The following PPFIA1 variants were observed in gnomAD, a reference collection of about 807,000 sequenced individuals.
PPFIA1 encodes liprin-alpha-1.
Under a neutral mutation model 149.9 loss-of-function variants are expected in PPFIA1, and 25 were observed. The observed-to-expected ratio is 0.17, with a 90% CI of 0.12 to 0.23. The LOEUF (loss-of-function observed/expected upper bound fraction) is 0.23. PPFIA1 is among the 10% of genes least tolerant of loss of function. The pLI is 1.00. For missense variants in PPFIA1, 1,362 were observed against 1,506.5 expected (o/e 0.90, Z 1.59); for synonymous variants, 549 against 552.8 (o/e 0.99, Z 0.10).
rs1439430514 is a variant in PPFIA1, at chr11:70,383,215, A to C, written c.*225A>C. ...TTTCTTATATTTATGTAAACTTATG[A>C]CTCTTCATTTATATAGTTACTTACT... On this transcript the variant is annotated 3_prime_UTR_variant, in exon 28 of 28. Coordinates refer to ENST00000253925, the MANE Select transcript of PPFIA1 (RefSeq NM_003626.5). 3.2e-6 allele frequency: 1 copy of C among 307,762 alleles called. No individual in the cohort carries two copies. The highest frequency in any genetic ancestry group is 2.3e-5 in the African/African-American group (1 of 42,834). The allele number at this position is 307,762 out of a possible 1,614,324, so 19.1% of individuals were successfully genotyped here.
At chr11:70,382,062 G>A (rs558874023) in intron 26 of PPFIA1, 26 bp from the exon 27 acceptor site, 8 of 1,611,952 alleles carry the variant, frequency 5.0e-6, no homozygotes, top group South Asian at 3.3e-5. Flanking sequence ...GTGTTTGCAC[G>A]CTTCCTCTCG....
At chr11:70,349,966 A>G (rs952489472) in intron 16 of PPFIA1, 1 of 455,210 alleles carries the variant, frequency 2.2e-6, no homozygotes, top group African/African-American at 2.0e-5. Flanking sequence ...GGTCCCCATC[A>G]GTCAGTAGTT....
chr11:70,302,227 G>A (rs543252854), intron 2 of PPFIA1, among the ~76,000 whole-genome samples: 20 of 152,366 alleles, frequency 1.3e-4, no homozygotes, highest in African/African-American at 4.3e-4. Flanking sequence ...GCAGCAGTGG[G>A]AAGAGAGGCT....
In PPFIA1 at chr11:70,376,799, C is replaced by T. The variant is rs186271257; in HGVS notation, c.3384+199C>T. ...TAAAAACTAATACCTGGGCCGGGCA[C>T]GGCGGCTCGCACCTGTAATCCCAGC... On this transcript the variant is annotated intron_variant, in intron 25 of 27. Transcript: ENST00000253925. Among the ~76,000 whole-genome samples, 663 of 152,292 alleles carry T rather than the reference C, an allele frequency of 4.4e-3. 4 individuals are homozygous for T. Among genetic ancestry groups the T allele is most frequent in the Non-Finnish European group, 7.0e-3 (474 of 68,016 alleles).
intron 2 of PPFIA1, among the ~76,000 whole-genome samples, chr11:70,281,459 G>C (rs534887917): frequency 2.5e-4 from 38 of 152,172 alleles, no homozygotes; most frequent in Non-Finnish European, 1.5e-4. Flanking sequence ...TGGAGCCCAA[G>C]TTTTGTCTCC....
At chr11:70,347,898 G>T (rs1348838107) in intron 15 of PPFIA1, among the ~76,000 whole-genome samples, 1 of 152,170 alleles carries the variant, frequency 6.6e-6, no homozygotes, top group East Asian at 1.9e-4. Flanking sequence ...AGCTACTCAG[G>T]AGGCTGAGGC....
intron 25 of PPFIA1, 97 bp from the exon 26 acceptor site, chr11:70,377,933 T>TTC: frequency 3.1e-6 from 3 of 965,482 alleles, no homozygotes; most frequent in Non-Finnish European, 4.7e-6. Flanking sequence ...CAAGAATACA[T>TTC]TCTCGAGATC....
At chr11:70,336,950 A>T in intron 11 of PPFIA1, among the ~76,000 whole-genome samples, 1 of 152,248 alleles carries the variant, frequency 6.6e-6, no homozygotes, top group East Asian at 1.9e-4. Flanking sequence ...ATACAGAGTC[A>T]TTATCCCACT....
At position 70,371,260 on chromosome 11, in the gene PPFIA1, G is replaced by T. The variant is rs1344231383; in HGVS notation, c.2866-955G>T. The T allele has an allele frequency of 2.1e-5, 3 of 142,414 alleles. No homozygotes were observed. In the Admixed American group the frequency reaches 2.1e-4, roughly 10 times the overall value. The allele number at this position is 142,414 out of a possible 1,614,324, so 8.8% of individuals were successfully genotyped here. ...GTCAAGAGAATGTACCTTGATTTCA[G>T]TCTCTTTAAGTATGTTGAGATTTGT... On this transcript the variant is annotated intron_variant, in intron 21 of 27. Transcript: ENST00000253925.
chr11:70,376,729 A>G (rs1406814398), intron 25 of PPFIA1, 129 bp downstream of exon 25: 6 of 845,850 alleles, frequency 7.1e-6, no homozygotes, highest in Non-Finnish European at 1.2e-5. Context: ...TCTGGATGTT[A>G]GAAGTCAGGC....
intron 10 of PPFIA1, chr11:70,334,558 AG>A (rs753249548): frequency 4.6e-5 from 7 of 152,244 alleles, no homozygotes; most frequent in Non-Finnish European, 7.3e-5. Flanking sequence ...ATAAGCACAA[AG>A]AAGGATATTG....
intron 2 of PPFIA1, among the ~76,000 whole-genome samples, chr11:70,307,639 G>T (rs1054191694): frequency 2.6e-5 from 4 of 152,216 alleles, no homozygotes; most frequent in African/African-American, 7.2e-5. Flanking sequence ...AAAAAGGTCT[G>T]TTAGGCTGGG....
At chr11:70,382,193 T>G (rs763411589) in intron 27 of PPFIA1, 35 bp downstream of exon 27, 1 of 1,549,456 alleles carries the variant, frequency 6.5e-7, no homozygotes, top group Non-Finnish European at 8.9e-7. Context: ...TAGAGATGGC[T>G]CAGAGGCACA....
intron 12 of PPFIA1, 44 bp downstream of exon 12, chr11:70,337,471 G>T: frequency 7.0e-7 from 1 of 1,433,050 alleles, no homozygotes; most frequent in South Asian, 1.3e-5. Flanking sequence ...AAGTTGAACT[G>T]AGTTGATGAT....
At chr11:70,294,856 G>A (rs945690659) in intron 2 of PPFIA1, among the ~76,000 whole-genome samples, 3 of 151,432 alleles carry the variant, frequency 2.0e-5, no homozygotes, top group African/African-American at 7.3e-5. Context: ...GTTTCAGAGA[G>A]CACAGGGTTG....
chr11:70,330,402 GA>G (rs1352609930), intron 8 of PPFIA1, 83 bp downstream of exon 8: 1 of 1,243,750 alleles, frequency 8.0e-7, no homozygotes, highest in East Asian at 2.6e-5. Flanking sequence ...TTTCATGTTG[GA>G]AATCAAGTCC....
At chr11:70,293,209 G>C (rs1217144581) in intron 2 of PPFIA1, among the ~76,000 whole-genome samples, 1 of 152,210 alleles carries the variant, frequency 6.6e-6, no homozygotes, top group East Asian at 1.9e-4. Flanking sequence ...ATCTAATTCT[G>C]TTCCTAGCTC....
chr11:70,300,724 A>G (rs908238650), intron 2 of PPFIA1, among the ~76,000 whole-genome samples: 100 of 152,142 alleles, frequency 6.6e-4, no homozygotes, highest in South Asian at 4.2e-4. Flanking sequence ...TAGTAGAGAC[A>G]GGGTTTCACC....
At chr11:70,326,411 C>T (rs1385072714) in intron 6 of PPFIA1, 48 bp downstream of exon 6, 1 of 1,488,568 alleles carries the variant, frequency 6.7e-7, no homozygotes. Flanking sequence ...CATTTGTTCA[C>T]AGTATGTGTC....
Sources: gnomAD v4.1 joint callset for allele counts (sites outside exome capture counted in the v4.1 genomes callset) on GRCh38, gnomAD v4.1.1 for gene constraint, MANE v1.5 for transcripts, NCBI Gene and HGNC (gene_info 2026-07-23, HGNC 2026-07-21) for gene names.